CAST: variants seen among roughly 807,000 people sequenced by gnomAD.
CAST encodes MIR583 host.
CAST carries 76 observed loss-of-function variants against 119.6 expected under a neutral mutation model. The observed-to-expected ratio is 0.64, with a 90% CI of 0.53 to 0.77. The LOEUF (loss-of-function observed/expected upper bound fraction) is 0.77. Among genes scored for constraint, CAST ranks in the 30% least tolerant of loss-of-function variants. CAST has a pLI of 0.00. For missense variants in CAST, 953 were observed against 946.5 expected, an observed-to-expected ratio of 1.01 and a Z score of -0.09; for synonymous variants, 319 against 331.6, an observed-to-expected ratio of 0.96 and a Z score of 0.41.
intron 1 of CAST, among the ~76,000 whole-genome samples, chr5:96,578,351 G>A (rs1426344838): frequency 1.3e-5 from 2 of 150,084 alleles, no homozygotes; most frequent in Non-Finnish European, 3.0e-5. Context: ...ACCGCATATA[G>A]TTGAGCATAT....
At chr5:96,053,951 A>G in the CAST span, among the ~76,000 whole-genome samples, 2 of 152,138 alleles carry the variant, frequency 1.3e-5, no homozygotes, top group Non-Finnish European at 2.9e-5. Context: ...TTATTTTGGC[A>G]GCTCAAAGGG....
the CAST span, chr5:96,079,207 T>G: frequency 2.3e-6 from 1 of 427,280 alleles, no homozygotes; most frequent in Non-Finnish European, 4.7e-6. Context: ...GACCTACCTC[T>G]TTGGTACTTT....
intron 2 of CAST, among the ~76,000 whole-genome samples, chr5:96,684,636 C>T (rs13361762): frequency 0.011 from 1,722 of 151,404 alleles, 49 homozygotes; most frequent in African/African-American, 0.039. Flanking sequence ...AATCTTGGCT[C>T]ACTGCAAACT....
chr5:95,964,769 G>A, the CAST span, among the ~76,000 whole-genome samples: 3 of 152,268 alleles, frequency 2.0e-5, no homozygotes, highest in South Asian at 4.1e-4. Flanking sequence ...AGGCAGGGTC[G>A]GAATCAGCTC....
At chr5:96,121,918 AC>A in the CAST span, among the ~76,000 whole-genome samples, 273 of 152,314 alleles carry the variant, frequency 1.8e-3, 1 homozygote, top group African/African-American at 5.9e-3. Context: ...TGACAAAAAA[AC>A]AAATATAATT....
the CAST span, among the ~76,000 whole-genome samples, chr5:96,170,541 G>T: frequency 6.6e-6 from 1 of 152,320 alleles, no homozygotes; most frequent in South Asian, 2.1e-4. Flanking sequence ...CTATTATGGG[G>T]TTTGAGGGCT....
At chr5:96,695,700 A>G in intron 2 of CAST, 136 bp from the exon 3 acceptor site, 1 of 518,854 alleles carries the variant, frequency 1.9e-6, no homozygotes, top group Non-Finnish European at 3.6e-6. Context: ...TTCAAAGCAT[A>G]TGTTTACTTT....
chr5:96,662,148 GCCGGGGCGGGTCACCGGGTGAGGA>G (rs1748586965), upstream of CAST: 1 of 385,830 alleles, frequency 2.6e-6, no homozygotes, highest in African/African-American at 2.1e-5. Context: ...CAGTGCTGGG[GCCGGGGCGGGTCACCGGGTGAGGA>G]CCGGGGCGGA....
chr5:96,276,293 A>C, the CAST span, among the ~76,000 whole-genome samples: 5 of 152,334 alleles, frequency 3.3e-5, no homozygotes, highest in African/African-American at 1.2e-4. Flanking sequence ...CAATATGTTG[A>C]TATTGGGCCT....
the CAST span, among the ~76,000 whole-genome samples, chr5:96,075,945 T>G: frequency 6.6e-6 from 1 of 152,238 alleles, no homozygotes; most frequent in Non-Finnish European, 1.5e-5. Context: ...TAAGGGGAAC[T>G]GGAACTTCAT....
chr5:96,030,456 CA>C, the CAST span, among the ~76,000 whole-genome samples: 1 of 152,158 alleles, frequency 6.6e-6, no homozygotes, highest in African/African-American at 2.4e-5. Context: ...GCCTGTCGGG[CA>C]GTAGCCTGGA....
the CAST span, among the ~76,000 whole-genome samples, chr5:96,342,288 G>A: frequency 6.6e-6 from 1 of 152,214 alleles, no homozygotes; most frequent in Non-Finnish European, 1.5e-5. Flanking sequence ...TAACTCATCT[G>A]CTTTTTCATT....
At chr5:96,558,040 G>A (rs1746279504) in intron 1 of CAST, among the ~76,000 whole-genome samples, 1 of 152,136 alleles carries the variant, frequency 6.6e-6, no homozygotes, top group Non-Finnish European at 1.5e-5. Context: ...TAGAACTCAG[G>A]ATTCAGAAAC....
the CAST span, among the ~76,000 whole-genome samples, chr5:96,347,040 A>G: frequency 1.3e-5 from 2 of 152,132 alleles, no homozygotes; most frequent in Non-Finnish European, 2.9e-5. Context: ...GACGGGTTTC[A>G]GCAGTGGCAG....
At chr5:95,974,247 T>G in the CAST span, among the ~76,000 whole-genome samples, 17 of 152,296 alleles carry the variant, frequency 1.1e-4, no homozygotes, top group African/African-American at 4.1e-4. Context: ...TCATCCCACT[T>G]AAGATTTCTG....
At chr5:96,315,021 T>C in the CAST span, among the ~76,000 whole-genome samples, 4 of 152,224 alleles carry the variant, frequency 2.6e-5, no homozygotes, top group African/African-American at 9.6e-5. Flanking sequence ...ATCATAAGAT[T>C]TGATTGATCT....
rs761387884 is a variant in CAST at position 96,743,756 on chromosome 5, T to C, written c.1200+1000T>C. The C allele has an allele frequency of 1.5e-5, 23 of 1,529,176 alleles. No individual in the cohort carries two copies. The African/African-American group carries it at 3.0e-4, about 20-fold the overall frequency. The allele number at this position is 1,529,176 out of a possible 1,614,324, so 94.7% of individuals were successfully genotyped here. On this transcript the variant is annotated intron_variant, in intron 16 of 31. Coordinates refer to ENST00000675179, the MANE Select transcript of CAST (RefSeq NM_001750.7). ...TATCTTCCAGGACCAAGTAATGTAT[T>C]GGGAAGAAGGGAAACTTGATTACAA... is the stretch of plus-strand genomic sequence containing the variant.
the CAST span, among the ~76,000 whole-genome samples, chr5:96,458,581 A>C: frequency 1.3e-5 from 2 of 152,188 alleles, no homozygotes; most frequent in Non-Finnish European, 2.9e-5. Flanking sequence ...GAATGGATAT[A>C]ATTTCAGAAG....
In CAST at chr5:96,569,603, C is replaced by T. The variant is rs191050240; in HGVS notation, c.60+39723C>T. Among the ~76,000 whole-genome samples, 132 of 152,266 alleles carry T rather than the reference C, an allele frequency of 8.7e-4. 1 individual carries two copies. Among genetic ancestry groups the T allele is most frequent in the Admixed American group, 2.2e-3 (34 of 15,292 alleles). On this transcript the variant is annotated intron_variant, in intron 1 of 11. Coordinates refer to the CAST transcript ENST00000505143. ...CCCTGTCAATTTCCACATCCATCTG[C>T]GATTTCCTGGTTTGTGATTCTCAGT...
Sources: gnomAD v4.1 joint callset for allele counts (sites outside exome capture counted in the v4.1 genomes callset) on GRCh38, gnomAD v4.1.1 for gene constraint, MANE v1.5 for transcripts, NCBI Gene and HGNC (gene_info 2026-07-23, HGNC 2026-07-21) for gene names.